CMTM7: variants seen among roughly 807,000 people sequenced by gnomAD.
CMTM7 encodes the protein CKLF-like MARVEL transmembrane domain-containing protein 7.
A neutral mutation model predicts 19.3 loss-of-function variants in CMTM7; 7 were observed. The ratio of observed to expected loss-of-function variants is 0.36; its 90% confidence interval spans 0.21 to 0.68. The LOEUF (loss-of-function observed/expected upper bound fraction) is 0.68, where lower values mean the gene tolerates loss of function less well. Ranked by LOEUF, CMTM7 falls within the 30% of genes least tolerant of loss-of-function variation. CMTM7 has a pLI of 0.60. For synonymous variants in CMTM7, 87 were observed against 99.3 expected (o/e 0.88, Z 0.74); for missense variants, 193 against 232.6 (o/e 0.83, Z 1.11).
chr3:32,391,916 G>A lies in CMTM7; in HGVS notation c.10G>A (p.Gly4Arg), dbSNP rs1695840092. The change falls in exon 1 of 5, where the codon GGA becomes AGA. Residue 4 changes from glycine (G) to arginine (R), a missense_variant. Coordinates refer to ENST00000334983, the MANE Select transcript of CMTM7 (RefSeq NM_138410.4). MSH[G>R]AGLVRTTCSS... is the part of the protein sequence containing the mutation. ...GAGCTGGGGCCGCGCAATGTCGCACGGAGCCGGGCTCGTCCGCACCACGTG... is the reference window on the plus strand; with the variant it reads ...GAGCTGGGGCCGCGCAATGTCGCACAGAGCCGGGCTCGTCCGCACCACGTG... 8.2e-7 allele frequency: 1 copy of A among 1,223,084 alleles called. No individual in the cohort carries two copies. The highest frequency in any genetic ancestry group is 1.0e-6 in the Non-Finnish European group (1 of 982,258). 75.8% of individuals were successfully genotyped at this position (1,223,084 alleles called of 1,614,324 possible). A position where few individuals can be genotyped will look rare whatever the true frequency, so the allele number is the denominator to read the frequency against.
At chr3:32,445,731 G>A (rs879322074) in intron 2 of CMTM7, among the ~76,000 whole-genome samples, 9 of 151,974 alleles carry the variant, frequency 5.9e-5, no homozygotes, top group Admixed American at 2.6e-4. Flanking sequence ...GCCCAGGCTG[G>A]TCTTGAACTC....
chr3:32,441,645 A>G (rs890398253), intron 1 of CMTM7, among the ~76,000 whole-genome samples, 195 bp from the exon 2 acceptor site: 3 of 152,230 alleles, frequency 2.0e-5, no homozygotes, highest in African/African-American at 7.2e-5. Flanking sequence ...CACAGACAGT[A>G]GTTTCAAAGT....
Position 32,391,928 on chromosome 3 carries a change from G to C in CMTM7, c.22G>C (p.Val8Leu), listed in dbSNP as rs1695840348. The C allele has an allele frequency of 8.1e-7, 1 of 1,227,038 alleles. No individual in the cohort carries two copies. Among genetic ancestry groups the C allele is most frequent in the Middle Eastern group, 3.1e-4 (1 of 3,200 alleles). 76.0% of individuals were successfully genotyped at this position (1,227,038 alleles called of 1,614,324 possible). Residue 8 changes from valine to leucine, a missense_variant, in exon 1 of 5, where the codon GTC (valine) becomes CTC (leucine). Coordinates refer to ENST00000334983, the MANE Select transcript of CMTM7 (RefSeq NM_138410.4). MSHGAGL[V>L]RTTCSSGSAL... ...CGCAATGTCGCACGGAGCCGGGCTC[G>C]TCCGCACCACGTGCAGCAGCGGCAG...
At chr3:32,445,123 A>G (rs761773084) in intron 2 of CMTM7, among the ~76,000 whole-genome samples, 10 of 152,228 alleles carry the variant, frequency 6.6e-5, no homozygotes, top group Non-Finnish European at 1.0e-4. Flanking sequence ...AGTGGATTCC[A>G]TAGGATATTC....
intron 3 of CMTM7, chr3:32,452,109 G>A (rs758246854): frequency 1.4e-6 from 2 of 1,440,796 alleles, no homozygotes; most frequent in Middle Eastern, 1.8e-4. Context: ...GCTTGTAAAT[G>A]TAAACCCAGA....
chr3:32,440,859 G>A (rs898737811), intron 1 of CMTM7, among the ~76,000 whole-genome samples: 3 of 152,236 alleles, frequency 2.0e-5, no homozygotes, highest in African/African-American at 7.2e-5. Context: ...TTACTGGTTT[G>A]TTCCCTACAT....
At chr3:32,444,520 G>A (rs1696726244) in intron 2 of CMTM7, among the ~76,000 whole-genome samples, 1 of 152,030 alleles carries the variant, frequency 6.6e-6, no homozygotes, top group African/African-American at 2.4e-5. Flanking sequence ...TTCTTTTTTA[G>A]GATTGATTTG....
chr3:32,438,382 C>A lies in CMTM7; in HGVS notation c.160-3458C>A, dbSNP rs553480162. Among the ~76,000 whole-genome samples, 20 of 152,230 alleles carry A rather than the reference C, an allele frequency of 1.3e-4. No individual in the cohort carries two copies. The East Asian group carries it at 2.3e-3, about 18-fold the overall frequency. ...GGTTGTTGTACAGATTATTTTGTCA[C>A]CCAGGAATTAAGCTTCTAAATAATT... On this transcript the variant is annotated intron_variant, in intron 1 of 4. Transcript: ENST00000334983.
chr3:32,437,480 C>T (rs887754238), intron 1 of CMTM7, among the ~76,000 whole-genome samples: 1 of 151,930 alleles, frequency 6.6e-6, no homozygotes, highest in Admixed American at 6.6e-5. Context: ...ACCTGTAGTC[C>T]CAGCTACTCA....
chr3:32,432,401 C>T (rs916675399), intron 1 of CMTM7, among the ~76,000 whole-genome samples: 3 of 152,248 alleles, frequency 2.0e-5, no homozygotes, highest in Non-Finnish European at 4.4e-5. Flanking sequence ...CCCCAGACAT[C>T]TTCCCCGCCC....
chr3:32,435,010 C>G (rs910438801), intron 1 of CMTM7, among the ~76,000 whole-genome samples: 2 of 152,158 alleles, frequency 1.3e-5, no homozygotes, highest in African/African-American at 2.4e-5. Context: ...TGGAGGGAGA[C>G]AGGTATCTCT....
chr3:32,393,768 G>A (rs1161977756), intron 1 of CMTM7, among the ~76,000 whole-genome samples: 2 of 117,844 alleles, frequency 1.7e-5, no homozygotes, highest in African/African-American at 6.1e-5. Context: ...AGGGAGGCCT[G>A]TCTCAAAAAA....
Position 32,392,047 on chromosome 3 carries a change from G to C in CMTM7, c.141G>C (p.Leu47=), listed in dbSNP as rs780949461. 2.7e-4 allele frequency: 334 copies of C among 1,234,996 alleles called. No individual in the cohort carries two copies. Among genetic ancestry groups the C allele is most frequent in the Non-Finnish European group, 3.1e-4 (305 of 986,956 alleles). The allele number at this position is 1,234,996 out of a possible 1,614,324, so 76.5% of individuals were successfully genotyped here. A position where few individuals can be genotyped will look rare whatever the true frequency, so the allele number is the denominator to read the frequency against. ...DLSYPRTHAA[L]LKVAQMVTLL... is the part of the protein sequence containing the mutation. ...GCTACCCCCGCACCCACGCGGCCCT[G>C]CTGAAAGTGGCGCAAATGGTAAGTG... The change falls in exon 1 of 5, where the codon CTG becomes CTC. Residue 47 remains leucine, a synonymous_variant. Coordinates refer to ENST00000334983, the MANE Select transcript of CMTM7 (RefSeq NM_138410.4).
chr3:32,419,525 C>T (rs347162), intron 1 of CMTM7, among the ~76,000 whole-genome samples: 63,833 of 152,028 alleles, frequency 0.42, 13,686 homozygotes, highest in South Asian at 0.47. Flanking sequence ...CTTTCTCAGT[C>T]AAGGAAGTTC....
At chr3:32,403,189 G>C (rs748556349) in intron 1 of CMTM7, among the ~76,000 whole-genome samples, 1 of 151,956 alleles carries the variant, frequency 6.6e-6, no homozygotes, top group African/African-American at 2.4e-5. Flanking sequence ...GGTGGTTTAT[G>C]TTTTGTTTTG....
intron 1 of CMTM7, among the ~76,000 whole-genome samples, chr3:32,427,225 C>A (rs747948871): frequency 6.6e-6 from 1 of 152,192 alleles, no homozygotes; most frequent in Non-Finnish European, 1.5e-5. Context: ...GCTGAGTAGC[C>A]CTTCCTAGAA....
chr3:32,394,351 T>C (rs979095784), intron 1 of CMTM7, among the ~76,000 whole-genome samples: 1 of 152,222 alleles, frequency 6.6e-6, no homozygotes, highest in Non-Finnish European at 1.5e-5. Context: ...GGGTCTCTCA[T>C]TTTGACCATC....
chr3:32,412,882 C>T (rs1696200237), intron 1 of CMTM7, among the ~76,000 whole-genome samples: 2 of 152,140 alleles, frequency 1.3e-5, no homozygotes, highest in East Asian at 3.8e-4. Flanking sequence ...GCTATAAAAG[C>T]TTCATAATTG....
chr3:32,406,525 A>G (rs1014416915), intron 1 of CMTM7, among the ~76,000 whole-genome samples: 3 of 152,156 alleles, frequency 2.0e-5, no homozygotes, highest in African/African-American at 7.2e-5. Flanking sequence ...TAGTGTTGGG[A>G]CAGTGTTCAG....
Sources: gnomAD v4.1 joint callset for allele counts (sites outside exome capture counted in the v4.1 genomes callset) on GRCh38, gnomAD v4.1.1 for gene constraint, MANE v1.5 for transcripts, NCBI Gene and HGNC (gene_info 2026-07-23, HGNC 2026-07-21) for gene names.